PTPRD: variants seen among roughly 807,000 people sequenced by gnomAD.
PTPRD encodes the protein receptor-type tyrosine-protein phosphatase delta.
A neutral mutation model predicts 214.5 loss-of-function variants in PTPRD; 34 were observed. The ratio of observed to expected loss-of-function variants is 0.16; its 90% CI spans 0.12 to 0.21. PTPRD has a LOEUF of 0.21. Among genes scored for constraint, PTPRD ranks in the 10% least tolerant of loss-of-function variants. The pLI is 1.00. For missense variants in PTPRD, 2,545 were observed against 2,398.7 expected (o/e 1.06, Z -1.27); for synonymous variants, 1,128 against 845.7 (o/e 1.33, Z -5.79).
At chr9:9,180,195 C>G (rs1452208439) in intron 10 of PTPRD, among the ~76,000 whole-genome samples, 3 of 151,398 alleles carry the variant, frequency 2.0e-5, no homozygotes, top group Non-Finnish European at 4.4e-5. Flanking sequence ...TTGGAACCAA[C>G]CCAAATGTCC....
chr9:9,774,167 C>G (rs980626682), intron 5 of PTPRD, among the ~76,000 whole-genome samples: 3 of 152,144 alleles, frequency 2.0e-5, no homozygotes, highest in African/African-American at 7.2e-5. Context: ...TGCCCCGCAG[C>G]TAGAAATGAT....
chr9:9,019,487 T>G (rs2154368734), intron 10 of PTPRD, among the ~76,000 whole-genome samples: 1 of 152,214 alleles, frequency 6.6e-6, no homozygotes, highest in Middle Eastern at 3.4e-3. Flanking sequence ...GGCAGATCAC[T>G]TAAGGTCAGG....
At chr9:10,252,943 C>G (rs2092921775) in intron 3 of PTPRD, among the ~76,000 whole-genome samples, 1 of 151,924 alleles carries the variant, frequency 6.6e-6, no homozygotes, top group Admixed American at 6.6e-5. Flanking sequence ...GCCACCACAC[C>G]CGGCTCATTT....
In PTPRD at chr9:8,368,270, C is replaced by T. The variant is rs139479986; in HGVS notation, c.4661+7666G>A. ...CTTAACTTCTCAGGGTCTCAATTTCCTTAGCTGGCGAGTGAGGAAAGTAAT... is the reference window on the plus strand; with the variant it reads ...CTTAACTTCTCAGGGTCTCAATTTCTTTAGCTGGCGAGTGAGGAAAGTAAT... On this transcript the variant is annotated intron_variant, in intron 39 of 45. Coordinates refer to ENST00000381196, the MANE Select transcript of PTPRD (RefSeq NM_002839.4). Among the ~76,000 whole-genome samples, 145 of 152,278 alleles carry T rather than the reference C, an allele frequency of 9.5e-4. 1 individual carries two copies. The highest frequency in any genetic ancestry group is 3.4e-3 in the African/African-American group (140 of 41,562).
At chr9:8,831,306 A>T (rs2097285842) in intron 11 of PTPRD, among the ~76,000 whole-genome samples, 1 of 152,196 alleles carries the variant, frequency 6.6e-6, no homozygotes, top group Non-Finnish European at 1.5e-5. Flanking sequence ...GAATGTCAAG[A>T]AATGTTTAAA....
Position 9,040,006 on chromosome 9 carries a change from A to G in PTPRD, c.-142-21271T>C, listed in dbSNP as rs967408058. Reference sequence around the variant, plus strand: ...ATTTTTTTTTTTCTGGCAGCATTTAAAAAATTCCTACTTTACAGATGAGGA... The same window carrying G: ...ATTTTTTTTTTTCTGGCAGCATTTAGAAAATTCCTACTTTACAGATGAGGA... On this transcript the variant is annotated intron_variant, in intron 10 of 45. Coordinates refer to ENST00000381196, the MANE Select transcript of PTPRD (RefSeq NM_002839.4). 2.6e-5 allele frequency among the ~76,000 whole-genome samples: 4 copies of G among 152,098 alleles called. No individual in the cohort carries two copies. In the South Asian group the frequency reaches 8.3e-4, roughly 32 times the overall value.
intron 2 of PTPRD, among the ~76,000 whole-genome samples, chr9:10,355,703 C>A (rs2097264431): frequency 6.6e-6 from 1 of 152,056 alleles, no homozygotes; most frequent in Admixed American, 6.5e-5. Context: ...ATCTTGAACT[C>A]CCGACCTCAG....
intron 34 of PTPRD, among the ~76,000 whole-genome samples, chr9:8,439,364 A>C (rs1209741562): frequency 1.3e-5 from 2 of 152,230 alleles, no homozygotes; most frequent in Non-Finnish European, 2.9e-5. Flanking sequence ...TTCTTCCCAC[A>C]TATAGACAGA....
intron 12 of PTPRD, among the ~76,000 whole-genome samples, chr9:8,731,778 T>G (rs779667011): frequency 9.2e-5 from 14 of 152,336 alleles, no homozygotes; most frequent in Non-Finnish European, 1.9e-4. Flanking sequence ...CGTCAATAAC[T>G]TTCAGAATAC....
chr9:8,449,744 G>A lies in PTPRD; in HGVS notation c.3969C>T (p.Arg1323=), dbSNP rs2095863600. 6.2e-7 allele frequency: 1 copy of A among 1,613,930 alleles called. No individual in the cohort carries two copies. The highest frequency in any genetic ancestry group is 8.5e-7 in the Non-Finnish European group (1 of 1,179,866). The change falls in exon 34 of 46, where the codon CGC becomes CGT. Residue 1323 remains arginine, a synonymous_variant. Transcript: ENST00000381196. ...HHPTDPVELR[R]LNFQTPGMAS... ...TCTTACCCGGTGTTTGAAAGTTAAG[G>A]CGCCTCAGTTCTACAGGGTCTGTTG... is the stretch of plus-strand genomic sequence containing the variant.
intron 35 of PTPRD, among the ~76,000 whole-genome samples, chr9:8,431,279 G>A (rs1335924664): frequency 3.3e-5 from 5 of 152,064 alleles, no homozygotes; most frequent in Admixed American, 6.6e-5. Flanking sequence ...TTTTCTGTGC[G>A]TGGGTGAGAA....
intron 11 of PTPRD, among the ~76,000 whole-genome samples, chr9:8,935,762 A>G (rs2098992710): frequency 6.6e-6 from 1 of 152,210 alleles, no homozygotes; most frequent in Non-Finnish European, 1.5e-5. Context: ...AAGGCCTTCC[A>G]AAGAACAGGA....
intron 11 of PTPRD, among the ~76,000 whole-genome samples, chr9:8,972,287 CT>C (rs2099243222): frequency 1.3e-5 from 2 of 151,786 alleles, no homozygotes. Flanking sequence ...CCTAAAGAAA[CT>C]TTTCAATAAC....
chr9:8,453,374 C>G (rs1173349474), intron 33 of PTPRD, among the ~76,000 whole-genome samples: 2 of 152,046 alleles, frequency 1.3e-5, no homozygotes, highest in Admixed American at 1.3e-4. Flanking sequence ...CCGTGTTAGT[C>G]AGGATGGTCT....
Position 8,653,498 on chromosome 9 carries a change from C to T in PTPRD, c.65-16654G>A, listed in dbSNP as rs539953127. Among the ~76,000 whole-genome samples, 12 of 152,244 alleles carry T rather than the reference C, an allele frequency of 7.9e-5. No homozygotes were observed. The South Asian group carries it at 1.2e-3, about 16-fold the overall frequency. On this transcript the variant is annotated intron_variant, in intron 12 of 45. Coordinates refer to ENST00000381196, the MANE Select transcript of PTPRD (RefSeq NM_002839.4). Reference sequence around the variant, plus strand: ...ACAGCTCCCACCAGTGGTCCTGAACCCTTTAGTATATTTCCACACAGTTCC... The same window carrying T: ...ACAGCTCCCACCAGTGGTCCTGAACTCTTTAGTATATTTCCACACAGTTCC...
intron 11 of PTPRD, among the ~76,000 whole-genome samples, chr9:8,841,432 T>C (rs564977484): frequency 1.3e-5 from 2 of 151,922 alleles, no homozygotes; most frequent in South Asian, 2.1e-4. Context: ...ACAAGCTTTA[T>C]TTTTTTTAAT....
chr9:10,378,851 A>G (rs2097773182), intron 2 of PTPRD, among the ~76,000 whole-genome samples: 1 of 152,042 alleles, frequency 6.6e-6, no homozygotes, highest in Non-Finnish European at 1.5e-5. Flanking sequence ...ATTTCTGTGA[A>G]GAATGTCATT....
intron 3 of PTPRD, among the ~76,000 whole-genome samples, chr9:10,268,507 C>T (rs1192624337): frequency 6.6e-6 from 1 of 152,066 alleles, no homozygotes; most frequent in Non-Finnish European, 1.5e-5. Context: ...GCATTCAAGG[C>T]TAACAATCTG....
intron 12 of PTPRD, among the ~76,000 whole-genome samples, chr9:8,665,713 C>T (rs888301972): frequency 6.6e-6 from 1 of 152,168 alleles, no homozygotes; most frequent in African/African-American, 2.4e-5. Flanking sequence ...TTTCTCTTCA[C>T]AGAAATGCCC....
Sources: gnomAD v4.1 joint callset for allele counts (sites outside exome capture counted in the v4.1 genomes callset) on GRCh38, gnomAD v4.1.1 for gene constraint, MANE v1.5 for transcripts, NCBI Gene and HGNC (gene_info 2026-07-23, HGNC 2026-07-21) for gene names.